Variants in CAST observed in about 807,000 individuals in gnomAD.
CAST encodes calpastatin.
Under a neutral mutation model 119.6 loss-of-function variants are expected in CAST, and 76 were observed. The ratio of observed to expected loss-of-function variants is 0.64; its 90% CI spans 0.53 to 0.77. The LOEUF (loss-of-function observed/expected upper bound fraction) is 0.77. CAST is among the 30% of genes least tolerant of loss of function. The probability of loss-of-function intolerance (pLI) is 0.00; values close to 1 mark genes in which losing one functional copy is unlikely to be tolerated. For synonymous variants in CAST, 319 were observed against 331.6 expected, an observed-to-expected ratio of 0.96 and a Z score of 0.41; for missense variants, 953 against 946.5, an observed-to-expected ratio of 1.01 and a Z score of -0.09.
chr5:96,284,067 G>A, the CAST span, among the ~76,000 whole-genome samples: 1 of 152,136 alleles, frequency 6.6e-6, no homozygotes, highest in Non-Finnish European at 1.5e-5. Flanking sequence ...TACAAGAGTC[G>A]TGAGGGCTCA....
chr5:96,054,461 G>T, the CAST span, among the ~76,000 whole-genome samples: 4 of 151,852 alleles, frequency 2.6e-5, no homozygotes, highest in South Asian at 2.1e-4. Flanking sequence ...TTTATTTTCT[G>T]TAAGTCTTAT....
chr5:96,744,356 G>A (rs1022679918), intron 16 of CAST, among the ~76,000 whole-genome samples: 1 of 152,176 alleles, frequency 6.6e-6, no homozygotes, highest in Non-Finnish European at 1.5e-5. Context: ...AAGTGAATGA[G>A]GAGCAAAGTC....
chr5:96,037,787 A>G, the CAST span, among the ~76,000 whole-genome samples: 1 of 152,100 alleles, frequency 6.6e-6, no homozygotes, highest in African/African-American at 2.4e-5. Context: ...GGGAACTCTC[A>G]TATGGTGGTG....
the CAST span, among the ~76,000 whole-genome samples, chr5:95,971,897 T>C: frequency 5.3e-5 from 8 of 152,278 alleles, no homozygotes; most frequent in South Asian, 1.7e-3. Flanking sequence ...TAAATAAAGC[T>C]GTTACAAACA....
chr5:96,290,819 C>T, the CAST span, among the ~76,000 whole-genome samples: 1 of 152,208 alleles, frequency 6.6e-6, no homozygotes, highest in African/African-American at 2.4e-5. Context: ...TCTGAGATGG[C>T]ACCTCACCTC....
At chr5:96,306,711 G>A in the CAST span, among the ~76,000 whole-genome samples, 1 of 152,152 alleles carries the variant, frequency 6.6e-6, no homozygotes, top group African/African-American at 2.4e-5. Flanking sequence ...TATTTACACA[G>A]TAGTCATTCA....
chr5:96,006,741 C>T, the CAST span, among the ~76,000 whole-genome samples: 15 of 152,308 alleles, frequency 9.8e-5, no homozygotes, highest in Admixed American at 7.2e-4. Context: ...AGCAAAACCA[C>T]GGCGAATGTA....
the CAST span, among the ~76,000 whole-genome samples, chr5:96,383,386 C>T: frequency 0.31 from 46,555 of 152,052 alleles, 7,841 homozygotes; most frequent in Admixed American, 0.42. Flanking sequence ...TGACATGGAG[C>T]TATGGAAACA....
the CAST span, chr5:96,392,738 CTG>C: frequency 2.0e-6 from 1 of 511,772 alleles, no homozygotes. Flanking sequence ...TTTTTGTCAA[CTG>C]TGACTCCAGA....
At chr5:96,282,706 G>T in the CAST span, among the ~76,000 whole-genome samples, 2 of 152,120 alleles carry the variant, frequency 1.3e-5, no homozygotes, top group African/African-American at 4.8e-5. Flanking sequence ...TCCAACTTTT[G>T]TCATTGTGGG....
the CAST span, among the ~76,000 whole-genome samples, chr5:96,068,308 G>T: frequency 3.3e-5 from 5 of 152,174 alleles, no homozygotes; most frequent in Admixed American, 3.3e-4. Context: ...ATTACTGAAT[G>T]AACAGTGTCT....
At chr5:96,247,709 A>G in the CAST span, 1 of 152,268 alleles carries the variant, frequency 6.6e-6, no homozygotes, top group Non-Finnish European at 1.5e-5. Context: ...CTTGGCAGCT[A>G]TCACAGCAAT....
chr5:96,731,306 C>T (rs1022638027), intron 9 of CAST, among the ~76,000 whole-genome samples: 5 of 152,082 alleles, frequency 3.3e-5, no homozygotes, highest in African/African-American at 1.2e-4. Flanking sequence ...TATTTCAAGT[C>T]CTCTCAGGAT....
the CAST span, among the ~76,000 whole-genome samples, chr5:96,042,747 C>A: frequency 1.3e-5 from 2 of 152,066 alleles, no homozygotes; most frequent in African/African-American, 2.4e-5. Context: ...TTCTCACTTG[C>A]GAATCCTAGA....
chr5:96,107,519 A>G, the CAST span, among the ~76,000 whole-genome samples: 1 of 152,004 alleles, frequency 6.6e-6, no homozygotes, highest in African/African-American at 2.4e-5. Context: ...CTGGGTTGAA[A>G]ATTCTTTTCT....
the CAST span, among the ~76,000 whole-genome samples, chr5:95,975,415 G>A: frequency 9.2e-5 from 14 of 152,110 alleles, no homozygotes; most frequent in African/African-American, 3.1e-4. Flanking sequence ...ACAAGAATCT[G>A]CATTTTAAAA....
At chr5:96,685,448 A>T (rs1580964183) in intron 2 of CAST, among the ~76,000 whole-genome samples, 1 of 152,358 alleles carries the variant, frequency 6.6e-6, no homozygotes, top group Non-Finnish European at 1.5e-5. Context: ...CTAAGGACTG[A>T]ATATGTATGA....
At chr5:96,560,679 G>T (rs368384156) in intron 1 of CAST, among the ~76,000 whole-genome samples, 2 of 152,010 alleles carry the variant, frequency 1.3e-5, no homozygotes, top group Admixed American at 6.5e-5. Context: ...TTAGAATGGC[G>T]ATCATTAAAA....
the CAST span, among the ~76,000 whole-genome samples, chr5:96,146,753 A>G: frequency 6.6e-6 from 1 of 152,250 alleles, no homozygotes; most frequent in East Asian, 1.9e-4. Flanking sequence ...TTAGCTTAAC[A>G]CAGCAAAGTT....
Sources: gnomAD v4.1 joint callset for allele counts (sites outside exome capture counted in the v4.1 genomes callset) on GRCh38, gnomAD v4.1.1 for gene constraint, MANE v1.5 for transcripts, NCBI Gene and HGNC (gene_info 2026-07-23, HGNC 2026-07-21) for gene names.